XRN2: variants seen among roughly 807,000 people sequenced by gnomAD.
XRN2 encodes the protein 5'-3' exoribonuclease 2, also known as DHM1-like protein.
XRN2 carries 44 observed loss-of-function variants against 138.5 expected under a neutral mutation model. The ratio of observed to expected loss-of-function variants is 0.32; its 90% CI spans 0.25 to 0.41. The LOEUF is 0.41. Ranked by LOEUF, XRN2 falls within the 10% of genes least tolerant of loss-of-function variation. XRN2 has a pLI of 1.00. For missense variants in XRN2, 937 were observed against 1,169.3 expected, an observed-to-expected ratio of 0.80 and a Z score of 2.90; for synonymous variants, 354 against 369.4, an observed-to-expected ratio of 0.96 and a Z score of 0.48.
At chr20:21,388,249 A>C (rs2038955343) in intron 29 of XRN2, among the ~76,000 whole-genome samples, 1 of 152,264 alleles carries the variant, frequency 6.6e-6, no homozygotes. Context: ...TGCTGACCCC[A>C]GTTCATCCAT....
intron 27 of XRN2, among the ~76,000 whole-genome samples, chr20:21,374,335 C>T (rs2038794986): frequency 6.6e-6 from 1 of 151,980 alleles, no homozygotes; most frequent in African/African-American, 2.4e-5. Context: ...TGCTTTATTG[C>T]ACAAGCTAGG....
intron 3 of XRN2, among the ~76,000 whole-genome samples, chr20:21,327,015 T>C (rs2038137810): frequency 6.6e-6 from 1 of 152,196 alleles, no homozygotes; most frequent in African/African-American, 2.4e-5. Flanking sequence ...CAATGAAGAA[T>C]AATTGGGAGA....
intron 27 of XRN2, among the ~76,000 whole-genome samples, chr20:21,376,520 G>A (rs2038825105): frequency 6.6e-6 from 1 of 152,098 alleles, no homozygotes; most frequent in African/African-American, 2.4e-5. Context: ...GCACTAGTCT[G>A]TTTGTTTATA....
chr20:21,367,803 A>G (rs937261441), intron 26 of XRN2, among the ~76,000 whole-genome samples: 2 of 152,166 alleles, frequency 1.3e-5, no homozygotes, highest in South Asian at 2.1e-4. Flanking sequence ...CATTATTTCA[A>G]CTGTTTTGGA....
chr20:21,315,749 C>T (rs1187859138), intron 1 of XRN2, among the ~76,000 whole-genome samples: 1 of 152,224 alleles, frequency 6.6e-6, no homozygotes. Context: ...CCACCTCCCT[C>T]AGCCTCCCAA....
intron 1 of XRN2, among the ~76,000 whole-genome samples, chr20:21,325,886 ACTT>A (rs2038121130): frequency 6.6e-6 from 1 of 152,184 alleles, no homozygotes; most frequent in African/African-American, 2.4e-5. Context: ...AGAGATGGTA[ACTT>A]CTTGTTGTTC....
chr20:21,375,987 C>G (rs111804980), intron 27 of XRN2, among the ~76,000 whole-genome samples: 3 of 151,940 alleles, frequency 2.0e-5, no homozygotes, highest in Non-Finnish European at 4.4e-5. Context: ...TACAGGCGCC[C>G]GCCACTACAC....
intron 27 of XRN2, among the ~76,000 whole-genome samples, chr20:21,381,330 G>A (rs1302811466): frequency 1.3e-5 from 2 of 152,122 alleles, no homozygotes; most frequent in Non-Finnish European, 2.9e-5. Flanking sequence ...GATATAGACA[G>A]GCCCAGATGT....
At chr20:21,381,928 A>G in intron 27 of XRN2, 66 bp from the exon 28 acceptor site, 9 of 1,336,072 alleles carry the variant, frequency 6.7e-6, no homozygotes, top group Middle Eastern at 3.8e-4. Flanking sequence ...TAATTATAAA[A>G]TATTGGGTAG....
chr20:21,312,140 T>A (rs896570837), intron 1 of XRN2, among the ~76,000 whole-genome samples: 6 of 152,026 alleles, frequency 3.9e-5, no homozygotes, highest in Admixed American at 1.3e-4. Flanking sequence ...TTGAGAGGAG[T>A]TTCACTGTGT....
chr20:21,381,713 TACACACACAC>T lies in XRN2; in HGVS notation c.2585-261_2585-252del, dbSNP rs10523116. On this transcript the variant is annotated intron_variant, in intron 27 of 29. Transcript: ENST00000377191. Reference sequence around the variant, plus strand: ...GTATGTATCTTTACTTACACACACATACACACACACACACACACACACACACACAGGATTA... The same window carrying T: ...GTATGTATCTTTACTTACACACACATACACACACACACACACACAGGATTA... Among the ~76,000 whole-genome samples, 66 of 150,212 alleles carry T rather than the reference TACACACACAC, an allele frequency of 4.4e-4. 1 individual carries two copies. The highest frequency in any genetic ancestry group is 1.1e-3 in the Admixed American group (17 of 15,044).
chr20:21,385,517 G>C lies in XRN2; in HGVS notation c.2649-1351G>C, dbSNP rs143183097. Among the ~76,000 whole-genome samples the C allele has an allele frequency of 2.4e-3, 366 of 152,262 alleles. 1 individual carries two copies. Among genetic ancestry groups the C allele is most frequent in the Non-Finnish European group, 4.4e-3 (302 of 68,012 alleles). On this transcript the variant is annotated intron_variant, in intron 28 of 29. Transcript: ENST00000377191. ...CTGAGATAAAAACTTATTTTTAATT[G>C]TATTCTGAATTACTTATAACACATT...
chr20:21,360,867 T>C (rs2038629853), intron 24 of XRN2, among the ~76,000 whole-genome samples: 1 of 152,186 alleles, frequency 6.6e-6, no homozygotes, highest in African/African-American at 2.4e-5. Flanking sequence ...CCTCTTCTGA[T>C]AGAATGTCAC....
At chr20:21,365,930 TA>T (rs1443408446) in intron 26 of XRN2, among the ~76,000 whole-genome samples, 1 of 101,948 alleles carries the variant, frequency 9.8e-6, no homozygotes, top group Non-Finnish European at 2.0e-5. Context: ...AATATATATA[TA>T]AAATTATAAA....
At position 21,307,422 on chromosome 20, in the gene XRN2, T is replaced by A. The variant is rs2037822604; in HGVS notation, c.75+3949T>A. Among the ~76,000 whole-genome samples, 2 of 76,674 alleles carry A rather than the reference T, an allele frequency of 2.6e-5. 1 individual carries two copies. The highest frequency in any genetic ancestry group is 6.1e-5 in the Non-Finnish European group (2 of 32,564). The allele number at this position is 76,674 out of a possible 152,430, so 50.3% of individuals were successfully genotyped here. A position where few individuals can be genotyped will look rare whatever the true frequency, so the allele number is the denominator to read the frequency against. On this transcript the variant is annotated intron_variant, in intron 1 of 29. Transcript: ENST00000377191. ...TAGACTCATGTATTTTTATTTTTAT[T>A]TTCTCTCTCATTCTCTGGCTTTCCT...
chr20:21,371,191 A>G (rs574585654), intron 27 of XRN2, among the ~76,000 whole-genome samples: 1 of 152,354 alleles, frequency 6.6e-6, no homozygotes, highest in Non-Finnish European at 1.5e-5. Context: ...TGCACCTAGC[A>G]CTGTTGTAAT....
chr20:21,303,841 A>G (rs573136447), intron 1 of XRN2: 14 of 1,029,118 alleles, frequency 1.4e-5, no homozygotes, highest in East Asian at 8.8e-5. Context: ...TGAGCAATGC[A>G]TGCCAGGTCA....
intron 4 of XRN2, 139 bp from the exon 5 acceptor site, chr20:21,330,342 T>C: frequency 3.0e-6 from 2 of 657,876 alleles, no homozygotes; most frequent in African/African-American, 1.8e-5. Context: ...TTCTTCCCAG[T>C]GAGGGAACAT....
chr20:21,365,464 A>G lies in XRN2; in HGVS notation c.2299A>G (p.Lys767Glu). 1 of 1,613,838 alleles carries G rather than the reference A, an allele frequency of 6.2e-7. No individual in the cohort carries two copies. Among genetic ancestry groups the G allele is most frequent in the African/African-American group, 1.3e-5 (1 of 75,028 alleles). Reference protein sequence around the residue: ...DPQFAEDYIFKAVMLPGARKP... With the variant: ...DPQFAEDYIFEAVMLPGARKP... ...ACAGTTTGCTGAAGATTACATTTTT[A>G]AAGCTGTAATGCTTCCAGGAGCAAG... Residue 767 changes from lysine to glutamate, a missense_variant, in exon 25 of 30, where the codon AAA becomes GAA. Transcript: ENST00000377191.
Sources: allele counts gnomAD v4.1 joint callset (sites outside exome capture counted in the v4.1 genomes callset), GRCh38; gene constraint gnomAD v4.1.1; transcripts MANE v1.5; gene names NCBI Gene and HGNC (gene_info 2026-07-23, HGNC 2026-07-21).